RFC5: variants seen among roughly 807,000 people sequenced by gnomAD.
The protein encoded by RFC5 is A1 36 kDa subunit.
A neutral mutation model predicts 44.3 loss-of-function variants in RFC5; 26 were observed. The ratio of observed to expected loss-of-function variants is 0.59; its 90% CI spans 0.43 to 0.81. RFC5 has a LOEUF of 0.81. Among genes scored for constraint, RFC5 ranks in the 40% least tolerant of loss-of-function variants. The probability of loss-of-function intolerance (pLI) is 0.00; values close to 1 mark genes in which losing one functional copy is unlikely to be tolerated. For missense variants in RFC5, 328 were observed against 418.6 expected, an observed-to-expected ratio of 0.78 and a Z score of 1.89; for synonymous variants, 155 against 155.2, an observed-to-expected ratio of 1.00 and a Z score of 0.01.
chr12:118,028,983 C>A (rs2031142596), intron 9 of RFC5, among the ~76,000 whole-genome samples: 1 of 152,248 alleles, frequency 6.6e-6, no homozygotes, highest in Non-Finnish European at 1.5e-5. Flanking sequence ...TGGTTCTGCC[C>A]AGGCCTTCAC....
chr12:118,031,559 T>C lies in RFC5; in HGVS notation c.*281T>C, dbSNP rs1248061246. The C allele has an allele frequency of 9.8e-6, 2 of 204,846 alleles. No individual in the cohort carries two copies. The highest frequency in any genetic ancestry group is 4.6e-5 in the African/African-American group (2 of 43,492). 12.7% of individuals were successfully genotyped at this position (204,846 alleles called of 1,614,324 possible). ...TTTTATTTTAAAGTTATAAGGTTTT[T>C]ACCTTTTAGTTGCTTGGATGACAGG... is the stretch of plus-strand genomic sequence containing the variant. On this transcript the variant is annotated 3_prime_UTR_variant, in exon 11 of 11. Coordinates refer to ENST00000454402, the MANE Select transcript of RFC5 (RefSeq NM_007370.7).
downstream of RFC5, chr12:118,035,451 C>G (rs545003006): frequency 2.7e-6 from 2 of 748,916 alleles, no homozygotes; most frequent in African/African-American, 3.5e-5. Context: ...GTGTGCCCCT[C>G]GTGGAAAAGC....
chr12:118,038,191 G>T, the RFC5 span: 1 of 1,179,840 alleles, frequency 8.5e-7, no homozygotes, highest in Non-Finnish European at 1.2e-6. Flanking sequence ...CTATTGGGGT[G>T]GATTTGCGGA....
downstream of RFC5, chr12:118,034,377 C>T (rs117570803): frequency 3.9e-4 from 631 of 1,612,316 alleles, no homozygotes; most frequent in East Asian, 1.1e-3. Context: ...AAACAGAAAC[C>T]GATGCTAAGA....
At chr12:118,033,038 G>A (rs865774428), downstream of RFC5, 26 of 152,068 alleles carry the variant, frequency 1.7e-4, no homozygotes, top group African/African-American at 6.3e-4. Context: ...ACGTTACACT[G>A]GCCTCCATAA....
At chr12:118,018,250 T>C (rs544355883) in intron 1 of RFC5, among the ~76,000 whole-genome samples, 1 of 152,306 alleles carries the variant, frequency 6.6e-6, no homozygotes, top group Non-Finnish European at 1.5e-5. Flanking sequence ...AGGAGTTCAG[T>C]TTCAAATGCA....
chr12:118,021,403 G>A (rs1483758160), intron 4 of RFC5, among the ~76,000 whole-genome samples: 1 of 151,838 alleles, frequency 6.6e-6, no homozygotes, highest in Non-Finnish European at 1.5e-5. Context: ...AGTAGACATG[G>A]GGTTTTGCCA....
downstream of RFC5, among the ~76,000 whole-genome samples, chr12:118,034,518 A>G (rs1318722731): frequency 6.6e-6 from 1 of 152,106 alleles, no homozygotes; most frequent in East Asian, 1.9e-4. Flanking sequence ...GTGGTGCTGA[A>G]TAATTAAAGC....
intron 7 of RFC5, 136 bp downstream of exon 7, chr12:118,025,964 T>A (rs1332997391): frequency 3.4e-6 from 2 of 596,728 alleles, no homozygotes; most frequent in Non-Finnish European, 3.0e-6. Flanking sequence ...ATCTCCTGCC[T>A]CCTGAGCAGC....
chr12:118,029,817 A>G lies in RFC5; in HGVS notation c.918A>G (p.Ala306=). ...SVRIHLLTKM[A]DIEYRLSVGT... ...GAATACATTTATTGACCAAAATGGC[A>G]GACATTGAGTGAGTACTTCTTGCCC... is the stretch of plus-strand genomic sequence containing the variant. The change falls in exon 10 of 11, where the codon GCA becomes GCG. Residue 306 remains alanine (A), a synonymous_variant. Coordinates refer to ENST00000454402, the MANE Select transcript of RFC5 (RefSeq NM_007370.7). The G allele has an allele frequency of 6.2e-7, 1 of 1,604,974 alleles. No individual in the cohort carries two copies. The highest frequency in any genetic ancestry group is 8.5e-7 in the Non-Finnish European group (1 of 1,171,672).
intron 8 of RFC5, among the ~76,000 whole-genome samples, chr12:118,027,706 C>T (rs540760244): frequency 2.7e-4 from 40 of 149,102 alleles, no homozygotes; most frequent in African/African-American, 9.6e-4. Context: ...AAAAAGAAAA[C>T]GCAGTTGGCT....
chr12:118,028,554 G>A (rs1165395408), intron 9 of RFC5, among the ~76,000 whole-genome samples: 4 of 151,480 alleles, frequency 2.6e-5, no homozygotes, highest in Non-Finnish European at 5.9e-5. Flanking sequence ...GAACTGCTGG[G>A]GAAAGTGAAA....
At chr12:118,040,992 T>C in the RFC5 span, among the ~76,000 whole-genome samples, 4 of 152,244 alleles carry the variant, frequency 2.6e-5, no homozygotes, top group Non-Finnish European at 4.4e-5. Context: ...GAGGTTGCAG[T>C]GAGCTGAGAT....
rs1730549084 is a variant in RFC5, at chr12:118,016,711, CT to C, written c.-113del. 8.3e-6 allele frequency: 7 copies of C among 845,808 alleles called. No individual in the cohort carries two copies. The Admixed American group carries it at 1.1e-4, about 13-fold the overall frequency. The allele number at this position is 845,808 out of a possible 1,614,324, so 52.4% of individuals were successfully genotyped here. ...TGGTGGCCGCGTCTCGCGAGAGTTG[CT>C]TTTGCGCGCGAACTGTAAGTGCCAG... is the stretch of plus-strand genomic sequence containing the variant. On this transcript the variant is annotated 5_prime_UTR_variant, in exon 1 of 11. Coordinates refer to ENST00000454402, the MANE Select transcript of RFC5 (RefSeq NM_007370.7).
chr12:118,027,933 T>C lies in RFC5; in HGVS notation c.794-20T>C, dbSNP rs777478520. The C allele has an allele frequency of 2.0e-6, 3 of 1,525,268 alleles. No individual in the cohort carries two copies. Among genetic ancestry groups the C allele is most frequent in the Non-Finnish European group, 2.7e-6 (3 of 1,100,112 alleles). 94.5% of individuals were successfully genotyped at this position (1,525,268 alleles called of 1,614,324 possible). ...TGTTTGTTCTGGAACTTGTTCCCTTTGCCTTAACTGCTCCTCTAGATATTA... is the reference window on the plus strand; with the variant it reads ...TGTTTGTTCTGGAACTTGTTCCCTTCGCCTTAACTGCTCCTCTAGATATTA... On this transcript the variant is annotated intron_variant, in intron 8 of 10. Coordinates refer to ENST00000454402, the MANE Select transcript of RFC5 (RefSeq NM_007370.7).
chr12:118,028,135 A>G (rs1566128806), intron 9 of RFC5, 105 bp downstream of exon 9: 2 of 740,780 alleles, frequency 2.7e-6, no homozygotes, highest in East Asian at 5.0e-5. Flanking sequence ...AAAGAAACTA[A>G]TGAATTGTAA....
intron 5 of RFC5, among the ~76,000 whole-genome samples, chr12:118,024,126 G>T (rs1052388790): frequency 6.6e-6 from 1 of 152,052 alleles, no homozygotes; most frequent in Non-Finnish European, 1.5e-5. Context: ...CGAATCATGA[G>T]GTCAGGAGAT....
chr12:118,031,150 T>C, intron 10 of RFC5, 32 bp from the exon 11 acceptor site: 6 of 1,529,202 alleles, frequency 3.9e-6, no homozygotes, highest in Non-Finnish European at 5.4e-6. Context: ...GTTTGGTGTC[T>C]TTTTTCTTAC....
rs538961537 is a variant in RFC5 at position 118,028,027 on chromosome 12, A to C, written c.868A>C (p.Arg290=). 6.3e-7 allele frequency: 1 copy of C among 1,596,420 alleles called. No individual in the cohort carries two copies. Among genetic ancestry groups the C allele is most frequent in the African/African-American group, 1.3e-5 (1 of 74,632 alleles). The part of the protein sequence containing the change: ...ILTEIHLFVH[R]VDFPSSVRIH... ...GACAGAGATACACTTGTTTGTGCAT[A>C]GAGGTAACTTACATTATCCCCCAGC... Residue 290 remains arginine, a synonymous_variant, in exon 9 of 11, where the codon AGA becomes CGA. Transcript: ENST00000454402.
Sources: allele counts gnomAD v4.1 joint callset (sites outside exome capture counted in the v4.1 genomes callset), GRCh38; gene constraint gnomAD v4.1.1; transcripts MANE v1.5; gene names NCBI Gene and HGNC (gene_info 2026-07-23, HGNC 2026-07-21).